CACNA1E: variants seen among roughly 807,000 people sequenced by gnomAD.
The protein encoded by CACNA1E is voltage-dependent R-type calcium channel subunit alpha-1E.
Under a neutral mutation model 259.2 loss-of-function variants are expected in CACNA1E, and 40 were observed. That is an observed-to-expected ratio of 0.15 (90% CI 0.12 to 0.20). CACNA1E has a LOEUF of 0.20. Among genes scored for constraint, CACNA1E ranks in the 10% least tolerant of loss-of-function variants. CACNA1E has a pLI of 1.00. For synonymous variants in CACNA1E, 1,104 were observed against 1,138.5 expected (o/e 0.97, Z 0.61); for missense variants, 1,874 against 3,040.1 (o/e 0.62, Z 9.02).
intron 3 of CACNA1E, among the ~76,000 whole-genome samples, chr1:181,534,927 T>C (rs1668053897): frequency 6.6e-6 from 1 of 152,136 alleles, no homozygotes; most frequent in Non-Finnish European, 1.5e-5. Flanking sequence ...CTAAGCTAAG[T>C]AAAATGACAC....
chr1:181,624,496 C>A (rs1236569367), intron 6 of CACNA1E, among the ~76,000 whole-genome samples: 2 of 152,176 alleles, frequency 1.3e-5, no homozygotes, highest in Non-Finnish European at 2.9e-5. Flanking sequence ...TTTTTGTTGT[C>A]ATTTCAACAA....
rs4651113 is a variant in CACNA1E at position 181,719,732 on chromosome 1, G to A, written c.1639-19G>A. ...TCCTCTTCCTCCTCCTCTCACTGTG[G>A]CTGGCATTGCCTCTCTAGGTCACAG... is the stretch of plus-strand genomic sequence containing the variant. On this transcript the variant is annotated intron_variant, in intron 12 of 47. Transcript: ENST00000367573. The A allele has an allele frequency of 0.13, 183,906 of 1,392,976 alleles. 13,605 individuals carry two copies. The highest frequency in any genetic ancestry group is 0.24 in the South Asian group (19,093 of 78,968). 86.3% of individuals were successfully genotyped at this position (1,392,976 alleles called of 1,614,324 possible).
At chr1:181,350,403 G>C (rs1395728805) in intron 1 of CACNA1E, among the ~76,000 whole-genome samples, 2 of 152,118 alleles carry the variant, frequency 1.3e-5, no homozygotes, top group African/African-American at 4.8e-5. Flanking sequence ...CTCCTCTGGG[G>C]CTTTAAGCAC....
Position 181,732,701 on chromosome 1 carries a change from C to T in CACNA1E, c.2615C>T (p.Thr872Ile). 4 of 1,533,740 alleles carry T rather than the reference C, an allele frequency of 2.6e-6. No homozygotes were observed. The highest frequency in any genetic ancestry group is 1.4e-5 in the African/African-American group (1 of 72,378). ...TCCAGTGCCCTGGACAACCAGAGGA[C>T]CCCTTTGTCCCTGGGCCAGCGGGAG... is the stretch of plus-strand genomic sequence containing the variant. Reference protein sequence around the residue: ...DRSSALDNQRTPLSLGQREPP... With the variant: ...DRSSALDNQRIPLSLGQREPP... Residue 872 changes from threonine (T) to isoleucine (I), a missense_variant, in exon 20 of 48, where the codon ACC (threonine) becomes ATC (isoleucine). Coordinates refer to ENST00000367573, the MANE Select transcript of CACNA1E (RefSeq NM_001205293.3). The surrounding 1 kb of genome is among the most constrained non-coding windows in gnomAD (Gnocchi z 5.5).
intron 25 of CACNA1E, chr1:181,745,396 C>A: frequency 2.1e-6 from 1 of 484,498 alleles, no homozygotes; most frequent in South Asian, 1.5e-5. Flanking sequence ...GATCTCAGCC[C>A]GTGGCCACAG....
intron 7 of CACNA1E, among the ~76,000 whole-genome samples, chr1:181,709,501 T>C (rs1363822881): frequency 6.6e-6 from 1 of 152,204 alleles, no homozygotes; most frequent in Non-Finnish European, 1.5e-5. Context: ...TATGGTAGAC[T>C]GGCGTCTTCC....
At chr1:181,620,055 A>C (rs1655587489) in intron 6 of CACNA1E, among the ~76,000 whole-genome samples, 1 of 152,228 alleles carries the variant, frequency 6.6e-6, no homozygotes, top group Non-Finnish European at 1.5e-5. Flanking sequence ...TATAGTTTTT[A>C]AGACCATGAG....
chr1:181,756,427 G>C (rs1658092309), intron 29 of CACNA1E, among the ~76,000 whole-genome samples: 1 of 152,172 alleles, frequency 6.6e-6, no homozygotes, highest in African/African-American at 2.4e-5. Flanking sequence ...GTTATAGACA[G>C]ATTTATCCTC....
chr1:181,450,573 C>T (rs61812699), intron 2 of CACNA1E, among the ~76,000 whole-genome samples: 6,470 of 152,076 alleles, frequency 0.043, 158 homozygotes, highest in Middle Eastern at 0.075. Flanking sequence ...GAATTAGAAA[C>T]CGAGATTATG....
chr1:181,439,426 T>C lies in CACNA1E; in HGVS notation c.434+25846T>C, dbSNP rs564789494. Among the ~76,000 whole-genome samples, 6 of 110,676 alleles carry C rather than the reference T, an allele frequency of 5.4e-5. No individual in the cohort carries two copies. In the East Asian group the frequency reaches 8.4e-4, roughly 16 times the overall value. 72.6% of individuals were successfully genotyped at this position (110,676 alleles called of 152,430 possible). ...TTGTCTATGGCAGTTAGAGCTAGAC[T>C]CTACCTTTTTTCTGCTCCCAAATTG... is the stretch of plus-strand genomic sequence containing the variant. On this transcript the variant is annotated intron_variant, in intron 2 of 11. Coordinates refer to the CACNA1E transcript ENST00000524607.
intron 3 of CACNA1E, among the ~76,000 whole-genome samples, chr1:181,552,490 A>G (rs1648278607): frequency 6.6e-6 from 1 of 151,528 alleles, no homozygotes; most frequent in Admixed American, 6.6e-5. Context: ...TAACCAATTA[A>G]TCACTGATCT....
intron 1 of CACNA1E, among the ~76,000 whole-genome samples, chr1:181,368,557 T>C (rs1654453021): frequency 6.6e-6 from 1 of 152,158 alleles, no homozygotes; most frequent in South Asian, 2.1e-4. Flanking sequence ...TAGTAACAAC[T>C]GCTTTTCAAA....
At chr1:181,735,415 G>A (rs1019316595) in intron 21 of CACNA1E, among the ~76,000 whole-genome samples, 4 of 152,350 alleles carry the variant, frequency 2.6e-5, no homozygotes, top group East Asian at 3.9e-4. Context: ...CAGGACCACC[G>A]AGGTCCACTG....
intron 3 of CACNA1E, among the ~76,000 whole-genome samples, chr1:181,574,677 C>T (rs983003037): frequency 6.6e-6 from 1 of 152,092 alleles, no homozygotes; most frequent in Admixed American, 6.6e-5. Flanking sequence ...TGGAGGTGGA[C>T]ACGTTATGGG....
intron 2 of CACNA1E, among the ~76,000 whole-genome samples, chr1:181,439,817 G>A (rs1006399363): frequency 6.6e-6 from 1 of 152,112 alleles, no homozygotes; most frequent in African/African-American, 2.4e-5. Flanking sequence ...CCCACAGGGA[G>A]GCAGCATCTT....
intron 6 of CACNA1E, among the ~76,000 whole-genome samples, chr1:181,583,103 TACACACACACACACACACACACAC>T (rs34193608): frequency 1.4e-5 from 2 of 144,986 alleles, no homozygotes; most frequent in Non-Finnish European, 3.0e-5. Flanking sequence ...GGACTGTTCC[TACACACACACACACACACACACAC>T]ACACACACAC....
chr1:181,597,305 C>A (rs1653280892), intron 6 of CACNA1E, among the ~76,000 whole-genome samples: 1 of 152,080 alleles, frequency 6.6e-6, no homozygotes, highest in Non-Finnish European at 1.5e-5. Flanking sequence ...AAAGGGGCTC[C>A]CTTATTATTG....
chr1:181,433,265 C>G (rs940683481), intron 2 of CACNA1E, among the ~76,000 whole-genome samples: 1 of 152,202 alleles, frequency 6.6e-6, no homozygotes, highest in Admixed American at 6.5e-5. Flanking sequence ...GCCACCCCCA[C>G]TCCATGATTT....
At chr1:181,454,293 C>T (rs1195170668) in intron 2 of CACNA1E, among the ~76,000 whole-genome samples, 1 of 152,190 alleles carries the variant, frequency 6.6e-6, no homozygotes, top group Non-Finnish European at 1.5e-5. Flanking sequence ...CCAGAGCCTC[C>T]AGGGGACCTT....
Sources: allele counts gnomAD v4.1 joint callset (sites outside exome capture counted in the v4.1 genomes callset), GRCh38; gene constraint gnomAD v4.1.1; non-coding constraint Gnocchi (gnomAD v3.1); transcripts MANE v1.5; gene names NCBI Gene and HGNC (gene_info 2026-07-23, HGNC 2026-07-21).